Variants in PCDHGB5 observed in about 807,000 individuals in gnomAD.
PCDHGB5 encodes protocadherin gamma-B5.
In PCDHGB5, 48 loss-of-function variants were observed where a neutral mutation model predicts 62.9. The observed-to-expected ratio is 0.76, with a 90% CI of 0.61 to 0.97. The LOEUF is 0.97. Ranked by LOEUF, PCDHGB5 falls within the 50% of genes least tolerant of loss-of-function variation. The pLI, the probability that PCDHGB5 is intolerant of heterozygous loss-of-function variation, is 0.00. For missense variants in PCDHGB5, 1,118 were observed against 1,198.6 expected, an observed-to-expected ratio of 0.93 and a Z score of 0.99; for synonymous variants, 474 against 511.2, an observed-to-expected ratio of 0.93 and a Z score of 0.98.
chr5:141,464,310 A>T lies in PCDHGB5; in HGVS notation c.2398-30497A>T, dbSNP rs1327900308. ...AAAAAACTCCATTGTATGTGCACAT[A>T]TCATTATCTGTTCAACCCATCTATG... On this transcript the variant is annotated intron_variant, in intron 1 of 3. Coordinates refer to ENST00000617380, the MANE Select transcript of PCDHGB5 (RefSeq NM_018925.3). 2.0e-5 allele frequency among the ~76,000 whole-genome samples: 3 copies of T among 151,494 alleles called. No homozygotes were observed. The East Asian group carries it at 5.8e-4, about 29-fold the overall frequency.
intron 1 of PCDHGB5, chr5:141,430,944 G>T: frequency 1.2e-6 from 2 of 1,609,214 alleles, no homozygotes; most frequent in Non-Finnish European, 1.7e-6. Flanking sequence ...CTCGCGGAGC[G>T]CGGAGTCCGC....
At chr5:141,478,159 T>C (rs1456465606) in intron 1 of PCDHGB5, 2 of 1,614,064 alleles carry the variant, frequency 1.2e-6, no homozygotes, top group Admixed American at 1.7e-5. Flanking sequence ...CCTCTGGCTC[T>C]GCCCCCCGGG....
At chr5:141,429,469 T>C (rs547784462) in intron 1 of PCDHGB5, among the ~76,000 whole-genome samples, 4 of 151,932 alleles carry the variant, frequency 2.6e-5, no homozygotes, top group African/African-American at 4.8e-5. Context: ...CCCACCTCAA[T>C]CTCCAGAGTA....
chr5:141,465,454 T>G (rs1031876441), intron 1 of PCDHGB5, among the ~76,000 whole-genome samples: 1 of 152,184 alleles, frequency 6.6e-6, no homozygotes, highest in African/African-American at 2.4e-5. Context: ...AAGAAAACTC[T>G]CACCAAATTG....
rs376734880 is a variant in PCDHGB5 at position 141,400,487 on chromosome 5, T to C, written c.2360T>C (p.Leu787Pro). Residue 787 changes from leucine (L) to proline (P), a missense_variant, in exon 1 of 4, where the codon CTT becomes CCT. Leu to Pro is a moderately conservative substitution (Grantham distance 98, BLOSUM62 -3). Coordinates refer to ENST00000617380, the MANE Select transcript of PCDHGB5 (RefSeq NM_018925.3). The part of the protein sequence containing the change: ...CGDSSGALFP[L>P]CNSSESTSHP... Reference sequence around the variant, plus strand: ...GATTCATCTGGGGCCTTATTTCCACTTTGTAATTCCAGCGAGTCGACTTCC... The same window carrying C: ...GATTCATCTGGGGCCTTATTTCCACCTTGTAATTCCAGCGAGTCGACTTCC... 4.8e-5 allele frequency: 78 copies of C among 1,613,958 alleles called. No individual in the cohort carries two copies. Among genetic ancestry groups the C allele is most frequent in the Non-Finnish European group, 6.6e-5 (78 of 1,179,896 alleles).
intron 1 of PCDHGB5, chr5:141,421,459 G>T: frequency 6.2e-7 from 1 of 1,614,142 alleles, no homozygotes; most frequent in South Asian, 1.1e-5. Context: ...GCTTTTCGCT[G>T]TGAATCCGCG....
intron 3 of PCDHGB5, among the ~76,000 whole-genome samples, chr5:141,509,686 G>A (rs1350812680): frequency 6.6e-6 from 1 of 152,212 alleles, no homozygotes; most frequent in Non-Finnish European, 1.5e-5. Flanking sequence ...CTTCTGTACA[G>A]TGGGACGTTG....
At chr5:141,458,519 T>C (rs974750749) in intron 1 of PCDHGB5, among the ~76,000 whole-genome samples, 1 of 152,110 alleles carries the variant, frequency 6.6e-6, no homozygotes, top group Non-Finnish European at 1.5e-5. Context: ...CTTTGTTTTT[T>C]TTTTTAACTT....
At chr5:141,474,016 G>A (rs1286684019) in intron 1 of PCDHGB5, among the ~76,000 whole-genome samples, 1 of 152,128 alleles carries the variant, frequency 6.6e-6, no homozygotes, top group Non-Finnish European at 1.5e-5. Context: ...GTTACAGTGA[G>A]CTATGATTAT....
In PCDHGB5 at chr5:141,489,375, G is replaced by A. The variant is rs768190252; in HGVS notation, c.2398-5432G>A. The A allele has an allele frequency of 1.2e-5, 19 of 1,613,826 alleles. No individual in the cohort carries two copies. The Admixed American group carries it at 3.2e-4, about 27-fold the overall frequency. ...AGGAGTCTGAGCCGGGGACGCTGGT[G>A]GGGAATGTTGCTCAGGATCTGGGCT... On this transcript the variant is annotated intron_variant, in intron 1 of 3. Transcript: ENST00000617380. The surrounding 1 kb of genome is among the most constrained non-coding windows in gnomAD (Gnocchi z 4.5).
At chr5:141,417,937 C>T (rs571233315) in intron 1 of PCDHGB5, 2 of 1,612,530 alleles carry the variant, frequency 1.2e-6, no homozygotes, top group South Asian at 1.1e-5. Context: ...CTTTGTTCTA[C>T]CCCACGCTGT....
rs76825883 is a variant in PCDHGB5, at chr5:141,433,317, C to T, written c.2397+32793C>T. The T allele has an allele frequency of 1.4e-3, 1,163 of 830,944 alleles. 6 individuals are homozygous for T. In the African/African-American group the frequency reaches 0.015, roughly 11 times the overall value. 51.5% of individuals were successfully genotyped at this position (830,944 alleles called of 1,614,324 possible). A position where few individuals can be genotyped will look rare whatever the true frequency, so the allele number is the denominator to read the frequency against. On this transcript the variant is annotated intron_variant, in intron 1 of 3. Transcript: ENST00000617380. ...CAAGCAATTATCCCACCTTTGCCTC[C>T]GGTGTAACAGGGACTACAGGTGCAA... is the stretch of plus-strand genomic sequence containing the variant.
intron 1 of PCDHGB5, among the ~76,000 whole-genome samples, chr5:141,463,505 G>A (rs1213601894): frequency 7.3e-6 from 1 of 137,472 alleles, no homozygotes; most frequent in Non-Finnish European, 1.5e-5. Flanking sequence ...CTGGAGTGAC[G>A]TGGCGTGATC....
intron 1 of PCDHGB5, among the ~76,000 whole-genome samples, chr5:141,492,438 G>C (rs2099740636): frequency 6.6e-6 from 1 of 152,236 alleles, no homozygotes; most frequent in Non-Finnish European, 1.5e-5. Flanking sequence ...AGGAGTACTC[G>C]TAGCTGATTG....
chr5:141,410,849 CTTT>C (rs759346998), intron 1 of PCDHGB5: 1,556 of 136,944 alleles, frequency 0.011, no homozygotes, highest in South Asian at 0.02. Flanking sequence ...TTGTCTTTGT[CTTT>C]TTTTTTTTTT....
At chr5:141,506,382 G>T (rs1311307230) in intron 3 of PCDHGB5, among the ~76,000 whole-genome samples, 1 of 151,500 alleles carries the variant, frequency 6.6e-6, no homozygotes, top group East Asian at 1.9e-4. Flanking sequence ...CTGGGAGGTG[G>T]CTGTGGTGAG....
At position 141,415,832 on chromosome 5, in the gene PCDHGB5, T is replaced by C. The variant is rs995620508; in HGVS notation, c.2397+15308T>C. On this transcript the variant is annotated intron_variant, in intron 1 of 3. Coordinates refer to ENST00000617380, the MANE Select transcript of PCDHGB5 (RefSeq NM_018925.3). ...GCCTATATATCATAAGGCTTTGTTA[T>C]GATTAGCTTTGCAGAACCTTGTAGT... 33 of 1,310,754 alleles carry C rather than the reference T, an allele frequency of 2.5e-5. No individual in the cohort carries two copies. The African/African-American group carries it at 4.7e-4, about 19-fold the overall frequency. 81.2% of individuals were successfully genotyped at this position (1,310,754 alleles called of 1,614,324 possible).
Position 141,485,943 on chromosome 5 carries a change from C to CG in PCDHGB5, c.2398-8861dup, listed in dbSNP as rs1562109052. ...ATTAGTGTGTTGGAGAGCGCACCAG[C>CG]GGGCATGGTGCTCATCCAGCTCAAT... On this transcript the variant is annotated intron_variant, in intron 1 of 3. Coordinates refer to ENST00000617380, the MANE Select transcript of PCDHGB5 (RefSeq NM_018925.3). The surrounding 1 kb of genome is among the most constrained non-coding windows in gnomAD (Gnocchi z 5.7). The CG allele has an allele frequency of 1.2e-6, 2 of 1,614,126 alleles. No individual in the cohort carries two copies. Among genetic ancestry groups the CG allele is most frequent in the Non-Finnish European group, 1.7e-6 (2 of 1,180,012 alleles).
chr5:141,434,992 C>A (rs2097735368), intron 1 of PCDHGB5, among the ~76,000 whole-genome samples: 1 of 151,902 alleles, frequency 6.6e-6, no homozygotes, highest in Non-Finnish European at 1.5e-5. Context: ...ATATCATTTT[C>A]TAGCTGAATT....
Sources: allele counts gnomAD v4.1 joint callset (sites outside exome capture counted in the v4.1 genomes callset), GRCh38; gene constraint gnomAD v4.1.1; non-coding constraint Gnocchi (gnomAD v3.1); transcripts MANE v1.5; gene names NCBI Gene and HGNC (gene_info 2026-07-23, HGNC 2026-07-21).